Variants in CAPN14 observed in about 807,000 individuals in gnomAD.
CAPN14 encodes calpain 14.
A neutral mutation model predicts 101.3 loss-of-function variants in CAPN14; 94 were observed. The ratio of observed to expected loss-of-function variants is 0.93; its 90% confidence interval spans 0.79 to 1.10. The LOEUF (loss-of-function observed/expected upper bound fraction) is 1.10. Ranked by LOEUF, CAPN14 falls within the 50% of genes least tolerant of loss-of-function variation. The probability of loss-of-function intolerance (pLI) is 0.00; values close to 1 mark genes in which losing one functional copy is unlikely to be tolerated. For missense variants in CAPN14, 837 were observed against 828.4 expected, an observed-to-expected ratio of 1.01 and a Z score of -0.13; for synonymous variants, 338 against 317.9, an observed-to-expected ratio of 1.06 and a Z score of -0.67.
At chr2:31,204,449 G>A (rs1233371352) in intron 2 of CAPN14, among the ~76,000 whole-genome samples, 1 of 152,168 alleles carries the variant, frequency 6.6e-6, no homozygotes, top group African/African-American at 2.4e-5. Context: ...TCAGGATAGG[G>A]TCTGGTCATT....
Position 31,184,833 on chromosome 2 carries a change from A to T in CAPN14, c.1645+1595T>A, listed in dbSNP as rs78457844. Among the ~76,000 whole-genome samples the T allele has an allele frequency of 4.3e-3, 659 of 152,358 alleles. 3 individuals are homozygous for T. Among genetic ancestry groups the T allele is most frequent in the East Asian group, 0.029 (153 of 5,190 alleles). Reference sequence around the variant, plus strand: ...ACATCTAAATGCTCCCATTAAATGCAGCCTGAATTTGTACGAGCTTATTTA... The same window carrying T: ...ACATCTAAATGCTCCCATTAAATGCTGCCTGAATTTGTACGAGCTTATTTA... On this transcript the variant is annotated intron_variant, in intron 16 of 21. Transcript: ENST00000403897.
chr2:31,175,278 C>T (rs937932570), intron 21 of CAPN14, among the ~76,000 whole-genome samples: 4 of 152,208 alleles, frequency 2.6e-5, no homozygotes, highest in Admixed American at 2.0e-4. Flanking sequence ...CCTCACTGAG[C>T]CACAGATGGT....
In CAPN14 at chr2:31,178,560, A is replaced by G. The variant is rs1263640097; in HGVS notation, c.1730T>C (p.Met577Thr). Residue 577 changes from methionine to threonine, a missense_variant, in exon 18 of 22, where the codon ATG becomes ACG. Transcript: ENST00000403897. ...CAGGTCCCTGAATTCCTGGATGCTC[A>G]TAGTACCTGATGCATTAAGCTGATT... is the stretch of plus-strand genomic sequence containing the variant. ...ALLDLNASGT[M>T]SIQEFRDLWK... 7 of 1,546,772 alleles carry G rather than the reference A, an allele frequency of 4.5e-6. No homozygotes were observed. The highest frequency in any genetic ancestry group is 1.7e-4 in the Middle Eastern group (1 of 5,968).
intron 1 of CAPN14, among the ~76,000 whole-genome samples, chr2:31,211,790 T>C (rs1174842936): frequency 6.6e-6 from 1 of 152,188 alleles, no homozygotes; most frequent in Non-Finnish European, 1.5e-5. Context: ...GACTGTTCTA[T>C]ATTTTTGGAC....
At chr2:31,180,663 T>C (rs1680546643) in intron 17 of CAPN14, among the ~76,000 whole-genome samples, 3 of 152,206 alleles carry the variant, frequency 2.0e-5, no homozygotes, top group African/African-American at 4.8e-5. Flanking sequence ...TTGTGATGGA[T>C]GGCTAATATT....
In CAPN14 at chr2:31,192,007, G is replaced by A. The variant is rs1425172379; in HGVS notation, c.1206C>T (p.Ser402=). The A allele has an allele frequency of 1.9e-6, 3 of 1,551,620 alleles. No homozygotes were observed. The highest frequency in any genetic ancestry group is 2.6e-6 in the Non-Finnish European group (3 of 1,146,956). Reference sequence around the variant, plus strand: ...ACCTGTGCCTGGGCTTCTGGAGCAGGGACACCAGCACGCTGCAGGGCCTCA... The same window carrying A: ...ACCTGTGCCTGGGCTTCTGGAGCAGAGACACCAGCACGCTGCAGGGCCTCA... ...RSLRPCSVLV[S]LLQKPRHRCR... The change falls in exon 11 of 22, where the codon TCC becomes TCT. Residue 402 remains serine, a synonymous_variant. Transcript: ENST00000403897.
chr2:31,196,689 G>A (rs920557267), intron 8 of CAPN14, among the ~76,000 whole-genome samples: 3 of 152,188 alleles, frequency 2.0e-5, no homozygotes, highest in Non-Finnish European at 2.9e-5. Context: ...TGCAAAACCC[G>A]CATTTCTTTA....
At chr2:31,178,322 A>C (rs4951967) in intron 18 of CAPN14, among the ~76,000 whole-genome samples, 189 bp downstream of exon 18, 17,036 of 152,218 alleles carry the variant, frequency 0.11, 1,176 homozygotes, top group Admixed American at 0.23. Context: ...GAACTTCAGG[A>C]GACTACTGCA....
At chr2:31,205,135 GT>G in intron 2 of CAPN14, 87 bp downstream of exon 2, 1 of 1,169,468 alleles carries the variant, frequency 8.6e-7, no homozygotes, top group Non-Finnish European at 1.2e-6. Context: ...GAAAAAGCCT[GT>G]TTTTTTCTCC....
At chr2:31,182,884 C>T (rs1445903573) in intron 16 of CAPN14, among the ~76,000 whole-genome samples, 1 of 151,456 alleles carries the variant, frequency 6.6e-6, no homozygotes, top group Non-Finnish European at 1.5e-5. Context: ...CCAAGTCAAT[C>T]CTAAGCCAAA....
Position 31,189,453 on chromosome 2 carries a change from G to C in CAPN14, c.1313C>G (p.Pro438Arg). 1 of 1,551,580 alleles carries C rather than the reference G, an allele frequency of 6.4e-7. No individual in the cohort carries two copies. Residue 438 changes from proline (P) to arginine (R), a missense_variant, in exon 13 of 22, where the codon CCC becomes CGC. Physicochemically the swap from Pro to Arg is moderately radical, Grantham distance 103. Transcript: ENST00000403897. ...AGTGTTTCTCTGGAAGAACTCAGGG[G>C]GCAGTCTCCTCTGGTCATCATGGTA... is the stretch of plus-strand genomic sequence containing the variant. ...NKYHDDQRRL[P>R]PEFFQRNTPL... is the part of the protein sequence containing the mutation.
intron 21 of CAPN14, among the ~76,000 whole-genome samples, chr2:31,174,955 T>C (rs966578117): frequency 1.8e-4 from 28 of 152,238 alleles, no homozygotes; most frequent in Non-Finnish European, 3.2e-4. Flanking sequence ...TGAATTTTTT[T>C]CCCATGAATT....
At chr2:31,208,178 A>G (rs914309915) in intron 1 of CAPN14, among the ~76,000 whole-genome samples, 5 of 151,986 alleles carry the variant, frequency 3.3e-5, no homozygotes, top group African/African-American at 1.2e-4. Flanking sequence ...AAAACTCCAA[A>G]AAAAAACTGG....
chr2:31,190,547 T>C (rs114854275), intron 12 of CAPN14, among the ~76,000 whole-genome samples: 1 of 152,324 alleles, frequency 6.6e-6, no homozygotes, highest in African/African-American at 2.4e-5. Context: ...CATCCCTTTG[T>C]TATTTTTCAA....
At chr2:31,188,290 C>T (rs757306645) in intron 14 of CAPN14, 28 bp downstream of exon 14, 1 of 1,548,354 alleles carries the variant, frequency 6.5e-7, no homozygotes, top group East Asian at 2.4e-5. Context: ...GCAGTCCCAG[C>T]CATATGGAAT....
At chr2:31,188,122 A>G (rs947477560) in intron 14 of CAPN14, among the ~76,000 whole-genome samples, 196 bp downstream of exon 14, 2 of 152,234 alleles carry the variant, frequency 1.3e-5, no homozygotes, top group Non-Finnish European at 1.5e-5. Context: ...TCAGAAGGGT[A>G]GTTCTCTACT....
intron 18 of CAPN14, 60 bp from the exon 19 acceptor site, chr2:31,177,881 C>A (rs1680389462): frequency 3.3e-6 from 4 of 1,203,724 alleles, no homozygotes; most frequent in Non-Finnish European, 4.8e-6. Flanking sequence ...CATCTGAGAG[C>A]CCTGTGTGCC....
In CAPN14 at chr2:31,225,831, A is replaced by C. The variant is rs115719289; in HGVS notation, c.-53+697T>G. 1.8e-3 allele frequency among the ~76,000 whole-genome samples: 276 copies of C among 152,212 alleles called. 2 individuals are homozygous for C. Among genetic ancestry groups the C allele is most frequent in the African/African-American group, 6.4e-3 (265 of 41,544 alleles). ...CAAAAGAAAAGATTGAAGCAAAATT[A>C]CCCCCAAATTTTCATAATTACTTTT... is the stretch of plus-strand genomic sequence containing the variant. On this transcript the variant is annotated intron_variant and NMD_transcript_variant, in intron 2 of 21. Coordinates refer to the CAPN14 transcript ENST00000398824.
chr2:31,181,135 T>C (rs2028677), intron 16 of CAPN14, 135 bp from the exon 17 acceptor site: 197,327 of 673,908 alleles, frequency 0.29, 34,033 homozygotes, highest in African/African-American at 0.63. Context: ...AGAGTGAGAA[T>C]GGAAGACAGT....
Sources: gnomAD v4.1 joint callset for allele counts (sites outside exome capture counted in the v4.1 genomes callset) on GRCh38, gnomAD v4.1.1 for gene constraint, MANE v1.5 for transcripts, NCBI Gene and HGNC (gene_info 2026-07-23, HGNC 2026-07-21) for gene names.